The following ATP8B2 variants were observed in gnomAD, a reference collection of about 807,000 sequenced individuals.
ATP8B2 encodes the protein phospholipid-transporting ATPase ID.
A neutral mutation model predicts 133.4 loss-of-function variants in ATP8B2; 70 were observed. That is an observed-to-expected ratio of 0.52 (90% CI 0.43 to 0.64). The LOEUF is 0.64. ATP8B2 is among the 30% of genes least tolerant of loss of function. The probability of loss-of-function intolerance (pLI) is 0.00; values close to 1 mark genes in which losing one functional copy is unlikely to be tolerated. For synonymous variants in ATP8B2, 517 were observed against 589.5 expected, an observed-to-expected ratio of 0.88 and a Z score of 1.78; for missense variants, 1,101 against 1,535.7, an observed-to-expected ratio of 0.72 and a Z score of 4.73.
intron 11 of ATP8B2, among the ~76,000 whole-genome samples, chr1:154,335,556 G>A (rs1351898996): frequency 2.0e-5 from 3 of 152,050 alleles, no homozygotes; most frequent in Non-Finnish European, 4.4e-5. Context: ...GCCAGGTTTG[G>A]TGGCATGCAC....
chr1:154,334,475 T>C lies in ATP8B2; in HGVS notation c.749-28T>C. 1 of 1,612,100 alleles carries C rather than the reference T, an allele frequency of 6.2e-7. No homozygotes were observed. Among genetic ancestry groups the C allele is most frequent in the Non-Finnish European group, 8.5e-7 (1 of 1,178,318 alleles). Reference sequence around the variant, plus strand: ...CCCAGAGGCAGATGTGTTATTTGGCTTTCCCAGCCCTTCCCATTCTTTTCC... The same window carrying C: ...CCCAGAGGCAGATGTGTTATTTGGCCTTCCCAGCCCTTCCCATTCTTTTCC... On this transcript the variant is annotated intron_variant, in intron 10 of 27. Transcript: ENST00000368489. The surrounding 1 kb of genome is among the most constrained non-coding windows in gnomAD (Gnocchi z 4.6).
In ATP8B2 at chr1:154,340,640, A is replaced by C. The variant is rs764119832; in HGVS notation, c.1035-214A>C. On this transcript the variant is annotated intron_variant, in intron 12 of 27. Coordinates refer to ENST00000368489, the MANE Select transcript of ATP8B2 (RefSeq NM_001370597.1). The surrounding 1 kb of genome is among the most constrained non-coding windows in gnomAD (Gnocchi z 4.0). ...CTTTGCACCTTCTTGTCTGGAGAGC[A>C]TCAGGAGGGTCGGGTCGGGGCGTTC... The C allele has an allele frequency of 3.3e-4, 198 of 591,862 alleles. 1 individual carries two copies. Among genetic ancestry groups the C allele is most frequent in the Middle Eastern group, 4.6e-4 (1 of 2,178 alleles). 36.7% of individuals were successfully genotyped at this position (591,862 alleles called of 1,614,324 possible).
chr1:154,344,234 T>C lies in ATP8B2; in HGVS notation c.2015T>C (p.Val672Ala). The C allele has an allele frequency of 6.2e-7, 1 of 1,614,130 alleles. No homozygotes were observed. The highest frequency in any genetic ancestry group is 2.2e-5 in the East Asian group (1 of 44,884). ...ACACTGGCCAACATCAAGATTTGGG[T>C]GCTAACCGGAGACAAGCAAGGTGAG... is the stretch of plus-strand genomic sequence containing the variant. ...LLTLANIKIW[V>A]LTGDKQETAV... Residue 672 changes from valine to alanine, a missense_variant, in exon 19 of 28, where the codon GTG becomes GCG. Physicochemically the swap from Val to Ala is moderately conservative, Grantham distance 64. Transcript: ENST00000368489. This position sits in a 1 kb window ranked among gnomAD's most constrained non-coding sequence, Gnocchi z 4.1.
intron 9 of ATP8B2, 120 bp from the exon 10 acceptor site, chr1:154,333,987 A>G: frequency 8.2e-7 from 1 of 1,226,352 alleles, no homozygotes; most frequent in East Asian, 2.4e-5. Flanking sequence ...TCCCAGCAGC[A>G]TATGGATGGG....
chr1:154,333,364 C>T (rs1414759881), intron 9 of ATP8B2, among the ~76,000 whole-genome samples: 8 of 151,142 alleles, frequency 5.3e-5, no homozygotes, highest in East Asian at 2.0e-4. Flanking sequence ...ATTAGCCGGG[C>T]GTCGTGGTGT....
Position 154,348,828 on chromosome 1 carries a change from G to T in ATP8B2, c.3295-12G>T. 7 of 1,579,612 alleles carry T rather than the reference G, an allele frequency of 4.4e-6. No individual in the cohort carries two copies. Among genetic ancestry groups the T allele is most frequent in the Non-Finnish European group, 6.0e-6 (7 of 1,157,738 alleles). ...ACGCTGACAGAGGGCTCTTCCCTGT[G>T]CCCCTCTGCAGGTCCGCTACACACA... On this transcript the variant is annotated splice_polypyrimidine_tract_variant and intron_variant, in intron 27 of 27. Coordinates refer to ENST00000368489, the MANE Select transcript of ATP8B2 (RefSeq NM_001370597.1).
Position 154,343,898 on chromosome 1 carries a change from C to G in ATP8B2, c.1764C>G (p.Tyr588Ter), listed in dbSNP as rs760108744. 1.2e-6 allele frequency: 2 copies of G among 1,608,410 alleles called. No individual in the cohort carries two copies. The highest frequency in any genetic ancestry group is 1.7e-6 in the Non-Finnish European group (2 of 1,177,322). ...LNTTMDHLNEYAGEGLRTLVL... is the reference protein window; with the variant it reads ...LNTTMDHLNE Reference sequence around the variant, plus strand: ...CCTTTCCACTCTGCCTCCAGGAGTACGCAGGGGAAGGGCTGAGGACCCTGG... The same window carrying G: ...CCTTTCCACTCTGCCTCCAGGAGTAGGCAGGGGAAGGGCTGAGGACCCTGG... The change falls in exon 18 of 28, where the codon TAC becomes TAG. Residue 588 changes from tyrosine to a stop codon, truncating the protein, a stop_gained. Transcript: ENST00000368489. LOFTEE classifies it high-confidence loss of function. This position sits in a 1 kb window ranked among gnomAD's most constrained non-coding sequence, Gnocchi z 5.8.
At position 154,344,289 on chromosome 1, in the gene ATP8B2, G is replaced by A. The variant is rs776711641; in HGVS notation, c.2035+35G>A. The stretch of plus-strand genomic sequence containing the variant: ...CAGCAGGGCAGAGCCAGTTGCAACT[G>A]ACAGTAGCCCTGTTGGACCCTTGCA... On this transcript the variant is annotated intron_variant, in intron 19 of 27. Coordinates refer to ENST00000368489, the MANE Select transcript of ATP8B2 (RefSeq NM_001370597.1). The surrounding 1 kb of genome is among the most constrained non-coding windows in gnomAD (Gnocchi z 4.1). The A allele has an allele frequency of 2.9e-5, 46 of 1,614,036 alleles. No individual in the cohort carries two copies. Among genetic ancestry groups the A allele is most frequent in the African/African-American group, 5.3e-5 (4 of 74,932 alleles).
Position 154,349,114 on chromosome 1 carries a change from G to A in ATP8B2, c.3569G>A (p.Gly1190Asp), listed in dbSNP as rs1245919110. ...GGCGGTGCCGACAAGCCCCTCAAGG[G>A]CTGAAGGCCGAGGATGGATGCCCTG... ...PSGGADKPLKG is the reference protein window; with the variant it reads ...PSGGADKPLKD The change falls in exon 28 of 28, where the codon GGC becomes GAC. Residue 1190 changes from glycine to aspartate, a missense_variant. Coordinates refer to ENST00000368489, the MANE Select transcript of ATP8B2 (RefSeq NM_001370597.1). 3 of 1,613,010 alleles carry A rather than the reference G, an allele frequency of 1.9e-6. No homozygotes were observed. The highest frequency in any genetic ancestry group is 2.5e-6 in the Non-Finnish European group (3 of 1,179,190).
Position 154,340,503 on chromosome 1 carries a change from CTT to C in ATP8B2, c.1035-350_1035-349del, listed in dbSNP as rs1430484149. 8.2e-6 allele frequency: 2 copies of C among 243,494 alleles called. No individual in the cohort carries two copies. Among genetic ancestry groups the C allele is most frequent in the African/African-American group, 4.6e-5 (2 of 43,814 alleles). 15.1% of individuals were successfully genotyped at this position (243,494 alleles called of 1,614,324 possible). On this transcript the variant is annotated intron_variant, in intron 12 of 27. Transcript: ENST00000368489. The surrounding 1 kb of genome is among the most constrained non-coding windows in gnomAD (Gnocchi z 4.0). ...CTCTCCCCTCCCTCTGGCACTTTCT[CTT>C]GTTTTTCTCTGCATGGTTTCTGTAT...
intron 1 of ATP8B2, chr1:154,327,825 T>C (rs1685843287): frequency 6.2e-7 from 1 of 1,613,768 alleles, no homozygotes; most frequent in Non-Finnish European, 8.5e-7. Context: ...GCTGTTCCCC[T>C]TTTTTCAATA....
At chr1:154,338,582 A>ACCTT (rs1399017216) in intron 12 of ATP8B2, among the ~76,000 whole-genome samples, 1 of 151,990 alleles carries the variant, frequency 6.6e-6, no homozygotes, top group African/African-American at 2.4e-5. Context: ...ATCGCTTGAA[A>ACCTT]CCGGAAGGTG....
chr1:154,346,756 T>C lies in ATP8B2; in HGVS notation c.3161T>C (p.Val1054Ala), dbSNP rs538074051. ...ATGTTTCCCAACCAGTTCCGGTTTG[T>C]GGGTAAGTCCCCGTGGCCTCCTTGA... ...FDMFPNQFRF[V>A]GNAQNTLAQP... The change falls in exon 26 of 28, where the codon GTG (valine) becomes GCG (alanine). Residue 1054 changes from valine to alanine, a missense_variant and splice_region_variant. Physicochemically the swap from Val to Ala is moderately conservative, Grantham distance 64. Coordinates refer to ENST00000368489, the MANE Select transcript of ATP8B2 (RefSeq NM_001370597.1). The surrounding 1 kb of genome is among the most constrained non-coding windows in gnomAD (Gnocchi z 4.5). 4.3e-6 allele frequency: 7 copies of C among 1,614,178 alleles called. No individual in the cohort carries two copies. In the African/African-American group the frequency reaches 5.3e-5, roughly 12 times the overall value.
rs1490778878 is a variant in ATP8B2 at position 154,328,498 on chromosome 1, C to G, written c.31+326C>G. 1.3e-5 allele frequency among the ~76,000 whole-genome samples: 2 copies of G among 152,186 alleles called. No individual in the cohort carries two copies. Among genetic ancestry groups the G allele is most frequent in the Non-Finnish European group, 2.9e-5 (2 of 68,034 alleles). ...GTCCTCTCACCCCTTCCCTGCTCCC[C>G]TCGTTTTTCCATCTACCGGTTCTCC... On this transcript the variant is annotated intron_variant, in intron 2 of 27. Coordinates refer to ENST00000368489, the MANE Select transcript of ATP8B2 (RefSeq NM_001370597.1). This position sits in a 1 kb window ranked among gnomAD's most constrained non-coding sequence, Gnocchi z 4.6.
In ATP8B2 at chr1:154,334,424, C is replaced by G. The variant is rs894309923; in HGVS notation, c.749-79C>G. 5 of 1,546,688 alleles carry G rather than the reference C, an allele frequency of 3.2e-6. No homozygotes were observed. The highest frequency in any genetic ancestry group is 1.7e-4 in the Middle Eastern group (1 of 5,860). ...AGTATCTCTATTCCACCCTGGTGTC[C>G]TGCAGTCTGGGGATCAGGGCAGAAG... On this transcript the variant is annotated intron_variant, in intron 10 of 27. Transcript: ENST00000368489. This position sits in a 1 kb window ranked among gnomAD's most constrained non-coding sequence, Gnocchi z 4.6.
At chr1:154,335,533 A>C (rs1025863295) in intron 11 of ATP8B2, among the ~76,000 whole-genome samples, 1 of 151,848 alleles carries the variant, frequency 6.6e-6, no homozygotes, top group African/African-American at 2.4e-5. Flanking sequence ...CTTTACAAAA[A>C]ACTGAAAAAT....
At position 154,346,522 on chromosome 1, in the gene ATP8B2, C is replaced by G. The variant is rs1388046156; in HGVS notation, c.3024+46C>G. 1 of 1,604,372 alleles carries G rather than the reference C, an allele frequency of 6.2e-7. No homozygotes were observed. The highest frequency in any genetic ancestry group is 1.1e-5 in the South Asian group (1 of 89,750). On this transcript the variant is annotated intron_variant, in intron 25 of 27. Transcript: ENST00000368489. This position sits in a 1 kb window ranked among gnomAD's most constrained non-coding sequence, Gnocchi z 4.5. ...TCCCCTCTTCTCTGGAAGGAGTGAG[C>G]CTTCTGTCCCTGGGGCTGCCCTGGG...
At position 154,340,799 on chromosome 1, in the gene ATP8B2, G is replaced by T; in HGVS notation, c.1035-55G>T. On this transcript the variant is annotated intron_variant, in intron 12 of 27. Coordinates refer to ENST00000368489, the MANE Select transcript of ATP8B2 (RefSeq NM_001370597.1). The surrounding 1 kb of genome is among the most constrained non-coding windows in gnomAD (Gnocchi z 4.0). ...GGGCCTGCAGCGAAGGCCCATGTGG[G>T]TGGGGCACCTCCTCTTCTTCCCGAC... 3.2e-6 allele frequency: 5 copies of T among 1,558,944 alleles called. No individual in the cohort carries two copies. The highest frequency in any genetic ancestry group is 3.5e-6 in the Non-Finnish European group (4 of 1,132,038).
rs1441646117 is a variant in ATP8B2, at chr1:154,328,896, G to C, written c.31+724G>C. The C allele has an allele frequency of 7.9e-7, 1 of 1,266,834 alleles. No homozygotes were observed. The highest frequency in any genetic ancestry group is 1.0e-6 in the Non-Finnish European group (1 of 973,068). The allele number at this position is 1,266,834 out of a possible 1,614,324, so 78.5% of individuals were successfully genotyped here. On this transcript the variant is annotated intron_variant, in intron 2 of 27. Coordinates refer to ENST00000368489, the MANE Select transcript of ATP8B2 (RefSeq NM_001370597.1). This position sits in a 1 kb window ranked among gnomAD's most constrained non-coding sequence, Gnocchi z 4.6. ...CTGGGGCTCCCCTCTGAGCGGCTGC[G>C]GCTCCTGCACCTCCCCGGGGAGCCG...
Sources: allele counts gnomAD v4.1 joint callset (sites outside exome capture counted in the v4.1 genomes callset), GRCh38; gene constraint gnomAD v4.1.1; non-coding constraint Gnocchi (gnomAD v3.1); transcripts MANE v1.5; gene names NCBI Gene and HGNC (gene_info 2026-07-23, HGNC 2026-07-21).